The following PCDH15 variants were observed in gnomAD, a reference collection of about 807,000 sequenced individuals.
PCDH15 encodes protocadherin related 15, also known as protocadherin-15.
PCDH15 carries 129 observed loss-of-function variants against 178.5 expected under a neutral mutation model. The observed-to-expected ratio is 0.72, with a 90% CI of 0.63 to 0.84. The LOEUF (loss-of-function observed/expected upper bound fraction) is 0.84. Ranked by LOEUF, PCDH15 falls within the 40% of genes least tolerant of loss-of-function variation. The pLI, the probability that PCDH15 is intolerant of heterozygous loss-of-function variation, is 0.00. For synonymous variants in PCDH15, 800 were observed against 732.0 expected (o/e 1.09, Z -1.50); for missense variants, 2,230 against 2,099.9 (o/e 1.06, Z -1.21).
chr10:55,540,602 C>CA (rs949509445), intron 2 of PCDH15, among the ~76,000 whole-genome samples: 1 of 151,764 alleles, frequency 6.6e-6, no homozygotes, highest in Non-Finnish European at 1.5e-5. Context: ...TAGGCTTATG[C>CA]AAAAAAATTA....
chr10:55,275,705 C>CT (rs200162578), intron 1 of PCDH15, among the ~76,000 whole-genome samples: 2,030 of 139,706 alleles, frequency 0.015, 32 homozygotes, highest in African/African-American at 0.036. Flanking sequence ...ACTTGTCTCT[C>CT]TTTTTTTTTT....
intron 3 of PCDH15, among the ~76,000 whole-genome samples, chr10:54,477,683 G>A (rs1234857857): frequency 1.3e-5 from 2 of 152,134 alleles, no homozygotes; most frequent in Non-Finnish European, 2.9e-5. Context: ...TGCAGCCTTC[G>A]ACTTCTGGGT....
chr10:55,181,389 T>G (rs1839642446), intron 1 of PCDH15, among the ~76,000 whole-genome samples: 1 of 152,024 alleles, frequency 6.6e-6, no homozygotes, highest in Admixed American at 6.6e-5. Flanking sequence ...AACTCTTCTG[T>G]TAAAATATAC....
intron 1 of PCDH15, among the ~76,000 whole-genome samples, chr10:55,305,741 G>C (rs1450029761): frequency 6.6e-6 from 1 of 152,134 alleles, no homozygotes; most frequent in Non-Finnish European, 1.5e-5. Context: ...TTTCCCATTT[G>C]TAAAATAGGA....
intron 2 of PCDH15, among the ~76,000 whole-genome samples, chr10:54,917,115 T>C (rs1472734663): frequency 3.3e-5 from 5 of 152,164 alleles, no homozygotes; most frequent in Non-Finnish European, 7.4e-5. Flanking sequence ...ACAAGAGTAA[T>C]ATATTAGTTG....
At chr10:54,248,845 G>T (rs1265536239) in intron 8 of PCDH15, among the ~76,000 whole-genome samples, 1 of 151,998 alleles carries the variant, frequency 6.6e-6, no homozygotes, top group Admixed American at 6.6e-5. Context: ...TCTTGTCTCT[G>T]ATAGGAGTGG....
intron 1 of PCDH15, among the ~76,000 whole-genome samples, chr10:55,245,558 C>T (rs1841660475): frequency 1.3e-5 from 2 of 152,112 alleles, no homozygotes; most frequent in Non-Finnish European, 2.9e-5. Context: ...TCAGAAATTG[C>T]TATTCCTAGT....
intron 2 of PCDH15, among the ~76,000 whole-genome samples, chr10:55,518,816 C>T (rs1051262064): frequency 1.3e-5 from 2 of 151,972 alleles, no homozygotes; most frequent in African/African-American, 4.8e-5. Context: ...TAATCTGGGC[C>T]GGGGCGTGGT....
intron 2 of PCDH15, among the ~76,000 whole-genome samples, chr10:54,940,809 C>T (rs976085681): frequency 6.8e-6 from 1 of 147,480 alleles, no homozygotes; most frequent in Non-Finnish European, 1.5e-5. Flanking sequence ...TAAAAAAAAA[C>T]TTTTTATAGT....
chr10:54,476,613 G>GT (rs534599122), intron 3 of PCDH15, among the ~76,000 whole-genome samples: 1 of 152,038 alleles, frequency 6.6e-6, no homozygotes, highest in Non-Finnish European at 1.5e-5. Flanking sequence ...TGAAAGCTGA[G>GT]TTTTTTTAAA....
chr10:53,886,792 T>C (rs2081134206), intron 26 of PCDH15, among the ~76,000 whole-genome samples: 1 of 152,138 alleles, frequency 6.6e-6, no homozygotes, highest in African/African-American at 2.4e-5. Context: ...CACTGCCTTC[T>C]GGGTCTGGAA....
At chr10:55,283,807 T>G (rs1842796189) in intron 1 of PCDH15, among the ~76,000 whole-genome samples, 1 of 152,012 alleles carries the variant, frequency 6.6e-6, no homozygotes, top group Non-Finnish European at 1.5e-5. Context: ...GAATAAGAAA[T>G]GCAACGTCTA....
chr10:55,611,487 A>G (rs1342664190), intron 2 of PCDH15, among the ~76,000 whole-genome samples: 2 of 152,112 alleles, frequency 1.3e-5, no homozygotes, highest in Non-Finnish European at 2.9e-5. Context: ...TGGCTATTAC[A>G]AAGAAAAATG....
intron 32 of PCDH15, chr10:53,825,207 A>C (rs1372027992): frequency 7.4e-6 from 11 of 1,489,902 alleles, no homozygotes; most frequent in Non-Finnish European, 9.8e-6. Flanking sequence ...ACTAGAGTTA[A>C]TTTAAAACAA....
At chr10:54,369,378 AT>A (rs1042873129) in intron 4 of PCDH15, 103 bp from the exon 5 acceptor site, 2 of 1,012,732 alleles carry the variant, frequency 2.0e-6, no homozygotes, top group African/African-American at 3.2e-5. Context: ...ATTCTTGTTT[AT>A]TTTTAAATTA....
intron 1 of PCDH15, among the ~76,000 whole-genome samples, chr10:54,677,799 G>A (rs1288934425): frequency 6.6e-6 from 1 of 152,134 alleles, no homozygotes; most frequent in Non-Finnish European, 1.5e-5. Context: ...GCAGCTTTAT[G>A]TGCCATCCAG....
intron 2 of PCDH15, among the ~76,000 whole-genome samples, chr10:55,351,564 C>T (rs768821399): frequency 4.3e-4 from 65 of 152,026 alleles, no homozygotes; most frequent in Middle Eastern, 6.8e-3. Flanking sequence ...CTTTATAATC[C>T]CCTTTTTGTT....
At chr10:54,577,382 G>A (rs1014039422) in intron 2 of PCDH15, among the ~76,000 whole-genome samples, 5 of 151,516 alleles carry the variant, frequency 3.3e-5, no homozygotes, top group Non-Finnish European at 5.9e-5. Flanking sequence ...GTGAGCCACC[G>A]CTCCCGGCTG....
rs80240237 is a variant in PCDH15, at chr10:55,251,160, T to C, written c.-156+68439A>G. ...ATTGATACAATCTATAGGTCTTATT[T>C]AAATTTCCCCAGTTTTACTTGTACT... is the stretch of plus-strand genomic sequence containing the variant. On this transcript the variant is annotated intron_variant, in intron 1 of 5. Coordinates refer to the PCDH15 transcript ENST00000458638. 7.0e-3 allele frequency among the ~76,000 whole-genome samples: 1,060 copies of C among 152,240 alleles called. 15 individuals are homozygous for C. The highest frequency in any genetic ancestry group is 0.024 in the African/African-American group (1,003 of 41,544).
Sources: gnomAD v4.1 joint callset for allele counts (sites outside exome capture counted in the v4.1 genomes callset) on GRCh38, gnomAD v4.1.1 for gene constraint, MANE v1.5 for transcripts, NCBI Gene and HGNC (gene_info 2026-07-23, HGNC 2026-07-21) for gene names.